The following AUTS2 variants were observed in gnomAD, a reference collection of about 807,000 sequenced individuals.
AUTS2 encodes autism susceptibility gene 2 protein.
AUTS2 carries 17 observed loss-of-function variants against 112.4 expected under a neutral mutation model. The ratio of observed to expected loss-of-function variants is 0.15; its 90% CI spans 0.10 to 0.23. The LOEUF is 0.23. AUTS2 is among the 10% of genes least tolerant of loss of function. The pLI is 1.00. For synonymous variants in AUTS2, 751 were observed against 702.7 expected, an observed-to-expected ratio of 1.07 and a Z score of -1.09; for missense variants, 1,510 against 1,701.6, an observed-to-expected ratio of 0.89 and a Z score of 1.98.
chr7:70,636,367 T>A (rs940360816), intron 5 of AUTS2, among the ~76,000 whole-genome samples: 1 of 152,120 alleles, frequency 6.6e-6, no homozygotes, highest in Non-Finnish European at 1.5e-5. Flanking sequence ...TTGGTGTGCT[T>A]TCAGAACCAC....
chr7:70,385,855 T>C (rs1034337261), intron 4 of AUTS2, among the ~76,000 whole-genome samples: 7 of 152,208 alleles, frequency 4.6e-5, no homozygotes, highest in African/African-American at 1.7e-4. Flanking sequence ...ATGAGAGATA[T>C]GGGCTGTATC....
chr7:70,659,413 G>A (rs1387504382), intron 5 of AUTS2, among the ~76,000 whole-genome samples: 1 of 152,098 alleles, frequency 6.6e-6, no homozygotes, highest in Non-Finnish European at 1.5e-5. Flanking sequence ...GATTCCATGT[G>A]CGGTCCGGGC....
intron 15 of AUTS2, chr7:70,782,918 AAGGTCTC>A (rs1791186947): frequency 6.6e-6 from 1 of 152,180 alleles, no homozygotes; most frequent in Admixed American, 6.5e-5. Context: ...GGAATTTGCT[AAGGTCTC>A]AGGTTTTTCT....
chr7:69,903,627 C>T (rs1370958289), intron 2 of AUTS2, among the ~76,000 whole-genome samples: 1 of 152,140 alleles, frequency 6.6e-6, no homozygotes. Flanking sequence ...CAAGATGAAT[C>T]ATCAAAATAA....
At chr7:69,940,054 A>G (rs551707324) in intron 2 of AUTS2, among the ~76,000 whole-genome samples, 2 of 152,340 alleles carry the variant, frequency 1.3e-5, no homozygotes, top group South Asian at 4.1e-4. Flanking sequence ...AATTCTTAGA[A>G]CAAACTTATA....
At chr7:70,686,993 C>T (rs1188697790) in intron 5 of AUTS2, among the ~76,000 whole-genome samples, 1 of 152,158 alleles carries the variant, frequency 6.6e-6, no homozygotes, top group African/African-American at 2.4e-5. Flanking sequence ...TACGCCGATC[C>T]GTCCTTTCAG....
chr7:69,976,375 C>T (rs769570428), intron 2 of AUTS2, among the ~76,000 whole-genome samples: 5 of 152,180 alleles, frequency 3.3e-5, no homozygotes, highest in Admixed American at 1.3e-4. Flanking sequence ...TATGAATATA[C>T]GGCATACTGT....
chr7:69,807,574 A>C (rs1406519349), intron 1 of AUTS2, among the ~76,000 whole-genome samples: 1 of 151,772 alleles, frequency 6.6e-6, no homozygotes, highest in Non-Finnish European at 1.5e-5. Flanking sequence ...TCTTAGTGTA[A>C]ATTTTTTTTT....
intron 4 of AUTS2, among the ~76,000 whole-genome samples, chr7:70,135,557 C>G (rs889881173): frequency 6.6e-6 from 1 of 152,114 alleles, no homozygotes; most frequent in Non-Finnish European, 1.5e-5. Flanking sequence ...ACGTATTTCT[C>G]TCGATACATT....
At chr7:70,704,235 C>G (rs191404539) in intron 6 of AUTS2, among the ~76,000 whole-genome samples, 25 of 152,304 alleles carry the variant, frequency 1.6e-4, no homozygotes, top group Admixed American at 1.2e-3. Context: ...GATACTGGAT[C>G]CCATCACTGG....
intron 4 of AUTS2, among the ~76,000 whole-genome samples, chr7:70,297,299 T>A (rs1481480222): frequency 6.6e-6 from 1 of 152,162 alleles, no homozygotes; most frequent in South Asian, 2.1e-4. Flanking sequence ...CCAACAAAGC[T>A]GTCTACGTAG....
rs940176007 is a variant in AUTS2, at chr7:70,631,179, C to T, written c.691-67390C>T. Among the ~76,000 whole-genome samples the T allele has an allele frequency of 8.5e-5, 13 of 152,154 alleles. No individual in the cohort carries two copies. Among genetic ancestry groups the T allele is most frequent in the Non-Finnish European group, 1.5e-4 (10 of 68,030 alleles). On this transcript the variant is annotated intron_variant, in intron 5 of 18. Coordinates refer to ENST00000342771, the MANE Select transcript of AUTS2 (RefSeq NM_015570.4). The surrounding 1 kb of genome is among the most constrained non-coding windows in gnomAD (Gnocchi z 4.5). ...CTGCCAGCCAGCTCCCACAAAAGCA[C>T]GATTAAAATGTCAGCACAGGATGAC...
chr7:69,775,350 G>C (rs994985024), intron 1 of AUTS2, among the ~76,000 whole-genome samples: 1 of 152,222 alleles, frequency 6.6e-6, no homozygotes, highest in Non-Finnish European at 1.5e-5. Flanking sequence ...TAGAGGCTGA[G>C]AATGATCCCT....
chr7:70,736,914 TTCA>T (rs776346865), intron 6 of AUTS2, among the ~76,000 whole-genome samples: 3 of 152,090 alleles, frequency 2.0e-5, no homozygotes, highest in Non-Finnish European at 2.9e-5. Context: ...TCCCCACCCC[TTCA>T]TCCTCCTTGT....
rs1379842435 is a variant in AUTS2 at position 69,815,864 on chromosome 7, T to TC, written c.310-83422_310-83421insC. 4.6e-5 allele frequency among the ~76,000 whole-genome samples: 7 copies of TC among 152,340 alleles called. No individual in the cohort carries two copies. In the South Asian group the frequency reaches 1.0e-3, roughly 23 times the overall value. On this transcript the variant is annotated intron_variant, in intron 1 of 18. Coordinates refer to ENST00000342771, the MANE Select transcript of AUTS2 (RefSeq NM_015570.4). ...ACACATTTCAGCTGCGCATATGTTC[T>TC]ACCTGTTAATGGTGAGATACAACAG...
At chr7:69,873,998 G>A (rs1040474487) in intron 1 of AUTS2, among the ~76,000 whole-genome samples, 1 of 152,214 alleles carries the variant, frequency 6.6e-6, no homozygotes, top group Non-Finnish European at 1.5e-5. Flanking sequence ...TTTTGTTAAG[G>A]ATAATGGAAA....
At chr7:70,534,739 T>C (rs994458789) in intron 5 of AUTS2, among the ~76,000 whole-genome samples, 1 of 152,128 alleles carries the variant, frequency 6.6e-6, no homozygotes, top group African/African-American at 2.4e-5. Context: ...TTTTGTTTTT[T>C]AAATAGGCAC....
intron 4 of AUTS2, among the ~76,000 whole-genome samples, chr7:70,353,609 A>G (rs376446775): frequency 2.6e-5 from 4 of 152,268 alleles, no homozygotes; most frequent in South Asian, 2.1e-4. Flanking sequence ...GAAAGCCCCC[A>G]TTACCCACTG....
At chr7:69,986,483 T>C (rs1798519488) in intron 2 of AUTS2, among the ~76,000 whole-genome samples, 1 of 152,238 alleles carries the variant, frequency 6.6e-6, no homozygotes, top group Non-Finnish European at 1.5e-5. Context: ...ATCTTGCTGA[T>C]TGTAATTTTT....
Sources: gnomAD v4.1 joint callset for allele counts (sites outside exome capture counted in the v4.1 genomes callset) on GRCh38, gnomAD v4.1.1 for gene constraint, Gnocchi (gnomAD v3.1) non-coding constraint, MANE v1.5 for transcripts, NCBI Gene and HGNC (gene_info 2026-07-23, HGNC 2026-07-21) for gene names.